Variants in CTNND2 observed in about 807,000 individuals in gnomAD.
CTNND2 encodes catenin delta-2.
In CTNND2, 22 loss-of-function variants were observed where a neutral mutation model predicts 144.4. That is an observed-to-expected ratio of 0.15 (90% CI 0.11 to 0.22). The LOEUF (loss-of-function observed/expected upper bound fraction) is 0.22, where lower values mean the gene tolerates loss of function less well. Among genes scored for constraint, CTNND2 ranks in the 10% least tolerant of loss-of-function variants. The pLI, the probability that CTNND2 is intolerant of heterozygous loss-of-function variation, is 1.00. For synonymous variants in CTNND2, 751 were observed against 695.6 expected (o/e 1.08, Z -1.25); for missense variants, 1,353 against 1,618.8 (o/e 0.84, Z 2.82).
At chr5:11,860,733 A>G (rs1406206484) in intron 1 of CTNND2, among the ~76,000 whole-genome samples, 1 of 152,206 alleles carries the variant, frequency 6.6e-6, no homozygotes, top group Non-Finnish European at 1.5e-5. Context: ...CAGTGACATA[A>G]TCTACCACAG....
At chr5:11,707,286 C>T (rs1785763310) in intron 2 of CTNND2, among the ~76,000 whole-genome samples, 1 of 152,154 alleles carries the variant, frequency 6.6e-6, no homozygotes, top group African/African-American at 2.4e-5. Context: ...ACAGCCATGA[C>T]TTTTGACAAG....
intron 2 of CTNND2, among the ~76,000 whole-genome samples, chr5:11,578,322 A>T (rs142778799): frequency 2.0e-5 from 3 of 152,138 alleles, no homozygotes; most frequent in Non-Finnish European, 4.4e-5. Context: ...CTTCACAATG[A>T]CCCAATGATT....
At chr5:11,838,960 A>T (rs551838591) in intron 1 of CTNND2, among the ~76,000 whole-genome samples, 5 of 152,230 alleles carry the variant, frequency 3.3e-5, no homozygotes, top group South Asian at 2.1e-4. Flanking sequence ...CCAACAGCTC[A>T]ATAAATATTG....
intron 11 of CTNND2, among the ~76,000 whole-genome samples, chr5:11,187,120 C>T (rs1735710555): frequency 6.6e-6 from 1 of 152,186 alleles, no homozygotes; most frequent in African/African-American, 2.4e-5. Context: ...CTAGAGGCAT[C>T]TGCAAAGTCC....
intron 1 of CTNND2, among the ~76,000 whole-genome samples, chr5:11,892,499 A>G (rs999665361): frequency 2.0e-5 from 3 of 152,318 alleles, no homozygotes; most frequent in African/African-American, 7.2e-5. Context: ...GGGTACACAT[A>G]TTGAAAATTA....
chr5:11,498,232 C>A (rs890656515), intron 3 of CTNND2, among the ~76,000 whole-genome samples: 3 of 152,042 alleles, frequency 2.0e-5, no homozygotes, highest in African/African-American at 7.2e-5. Context: ...CCATCACTCT[C>A]CCCCACCCCC....
At chr5:11,857,030 T>C (rs1196792312) in intron 1 of CTNND2, among the ~76,000 whole-genome samples, 1 of 152,198 alleles carries the variant, frequency 6.6e-6, no homozygotes, top group Non-Finnish European at 1.5e-5. Flanking sequence ...AGACCATGCA[T>C]TTAAAAAATT....
chr5:11,570,665 G>T (rs1159834992), intron 2 of CTNND2, among the ~76,000 whole-genome samples: 1 of 150,980 alleles, frequency 6.6e-6, no homozygotes, highest in Non-Finnish European at 1.5e-5. Flanking sequence ...TATGAAATCT[G>T]CTTTCACTTT....
At chr5:11,324,995 A>C (rs764961667) in intron 9 of CTNND2, among the ~76,000 whole-genome samples, 10 of 151,478 alleles carry the variant, frequency 6.6e-5, no homozygotes, top group Non-Finnish European at 1.2e-4. Flanking sequence ...AATGGAAATC[A>C]AAGTCTGTAG....
At chr5:11,179,660 AAGTT>A (rs1383040497) in intron 11 of CTNND2, among the ~76,000 whole-genome samples, 1 of 152,118 alleles carries the variant, frequency 6.6e-6, no homozygotes, top group Non-Finnish European at 1.5e-5. Context: ...CCACTTCTAA[AAGTT>A]AGTAAATTTG....
chr5:11,634,693 T>G (rs534836962), intron 2 of CTNND2, among the ~76,000 whole-genome samples: 2 of 152,078 alleles, frequency 1.3e-5, no homozygotes, highest in South Asian at 4.2e-4. Context: ...TAAAAAGCAA[T>G]GAGAAGATTC....
At chr5:11,224,063 T>TC in intron 10 of CTNND2, among the ~76,000 whole-genome samples, 2 of 152,248 alleles carry the variant, frequency 1.3e-5, no homozygotes, top group African/African-American at 4.8e-5. Flanking sequence ...ACTCGGCTTT[T>TC]CCCCCTGTAT....
intron 9 of CTNND2, among the ~76,000 whole-genome samples, chr5:11,337,577 T>C (rs537044198): frequency 2.0e-5 from 3 of 152,282 alleles, no homozygotes; most frequent in South Asian, 2.1e-4. Context: ...ACATACATCA[T>C]ATACAATATC....
intron 3 of CTNND2, among the ~76,000 whole-genome samples, chr5:11,455,680 G>C (rs1765674863): frequency 6.6e-6 from 1 of 152,118 alleles, no homozygotes; most frequent in Admixed American, 6.6e-5. Flanking sequence ...CAATCATTTT[G>C]TCATTCAAGA....
intron 12 of CTNND2, among the ~76,000 whole-genome samples, chr5:11,140,096 C>T (rs1277362220): frequency 1.3e-5 from 2 of 152,208 alleles, no homozygotes; most frequent in African/African-American, 4.8e-5. Flanking sequence ...CATCTGCAAC[C>T]TTAATTTTCC....
intron 8 of CTNND2, among the ~76,000 whole-genome samples, chr5:11,363,431 T>C (rs1323388908): frequency 6.6e-6 from 1 of 152,162 alleles, no homozygotes; most frequent in Non-Finnish European, 1.5e-5. Context: ...AAAATAAAAT[T>C]ACCTTACTTA....
At chr5:11,797,585 C>T (rs906567835) in intron 1 of CTNND2, among the ~76,000 whole-genome samples, 3 of 152,128 alleles carry the variant, frequency 2.0e-5, no homozygotes, top group African/African-American at 7.2e-5. Context: ...TCCCATCGTC[C>T]TCATTATGTA....
At position 11,496,380 on chromosome 5, in the gene CTNND2, T is replaced by C. The variant is rs560440552; in HGVS notation, c.287+68564A>G. The stretch of plus-strand genomic sequence containing the variant: ...ACACTGAGAACATGTTTGGCTTCCA[T>C]CCTAAAGATCATTTAGGTCATCAAT... On this transcript the variant is annotated intron_variant, in intron 3 of 21. Coordinates refer to ENST00000304623, the MANE Select transcript of CTNND2 (RefSeq NM_001332.4). 2.3e-4 allele frequency among the ~76,000 whole-genome samples: 35 copies of C among 152,332 alleles called. No individual in the cohort carries two copies. In the South Asian group the frequency reaches 6.4e-3, roughly 28 times the overall value.
At chr5:10,996,222 G>A (rs893688748) in intron 18 of CTNND2, among the ~76,000 whole-genome samples, 12 of 152,196 alleles carry the variant, frequency 7.9e-5, no homozygotes, top group African/African-American at 2.9e-4. Context: ...AGAGAGACAA[G>A]GGAACGTCAC....
Sources: gnomAD v4.1 joint callset for allele counts (sites outside exome capture counted in the v4.1 genomes callset) on GRCh38, gnomAD v4.1.1 for gene constraint, MANE v1.5 for transcripts, NCBI Gene and HGNC (gene_info 2026-07-23, HGNC 2026-07-21) for gene names.